The following GRIK4 variants were observed in gnomAD, a reference collection of about 807,000 sequenced individuals.
The protein encoded by GRIK4 is glutamate ionotropic receptor kainate type subunit 4.
GRIK4 carries 40 observed loss-of-function variants against 104.9 expected under a neutral mutation model. That is an observed-to-expected ratio of 0.38 (90% CI 0.30 to 0.50). The LOEUF is 0.50. GRIK4 is among the 20% of genes least tolerant of loss of function. GRIK4 has a pLI of 0.93. For missense variants in GRIK4, 1,047 were observed against 1,308.1 expected, an observed-to-expected ratio of 0.80 and a Z score of 3.08; for synonymous variants, 485 against 524.9, an observed-to-expected ratio of 0.92 and a Z score of 1.04.
At chr11:120,600,363 A>T (rs568215572) in intron 1 of GRIK4, among the ~76,000 whole-genome samples, 2 of 152,112 alleles carry the variant, frequency 1.3e-5, no homozygotes, top group East Asian at 3.9e-4. Context: ...AAAAAAGAAA[A>T]CTAGAGTTTT....
At chr11:120,516,705 C>A (rs1482421437) in intron 1 of GRIK4, among the ~76,000 whole-genome samples, 1 of 152,154 alleles carries the variant, frequency 6.6e-6, no homozygotes, top group African/African-American at 2.4e-5. Flanking sequence ...AACAGCAGAG[C>A]GCGCTGACAG....
intron 12 of GRIK4, among the ~76,000 whole-genome samples, chr11:120,904,800 C>T (rs940848730): frequency 2.6e-5 from 4 of 152,180 alleles, no homozygotes; most frequent in African/African-American, 7.2e-5. Flanking sequence ...CAGCTTGGAT[C>T]CCACCTTCAG....
intron 5 of GRIK4, among the ~76,000 whole-genome samples, chr11:120,818,825 A>G (rs1272162712): frequency 6.6e-6 from 1 of 152,156 alleles, no homozygotes; most frequent in African/African-American, 2.4e-5. Flanking sequence ...TCTACTATCG[A>G]TCTTCCTTGC....
chr11:120,776,997 G>A (rs76758238), intron 3 of GRIK4, among the ~76,000 whole-genome samples: 1,547 of 152,274 alleles, frequency 0.01, 22 homozygotes, highest in African/African-American at 0.034. Context: ...GGGGGTGTGA[G>A]TACCAGGAGG....
intron 13 of GRIK4, among the ~76,000 whole-genome samples, chr11:120,920,255 G>A (rs112559261): frequency 1.6e-3 from 240 of 152,224 alleles, no homozygotes; most frequent in African/African-American, 5.2e-3. Context: ...TTCCTGTAGC[G>A]TGCCTGCACT....
intron 8 of GRIK4, among the ~76,000 whole-genome samples, chr11:120,845,815 T>A (rs144284132): frequency 7.9e-5 from 12 of 152,352 alleles, no homozygotes; most frequent in Non-Finnish European, 1.2e-4. Context: ...AGAACCACTC[T>A]GCATAATATA....
chr11:120,689,683 T>C lies in GRIK4; in HGVS notation c.82+29283T>C, dbSNP rs1183371573. 2.6e-5 allele frequency among the ~76,000 whole-genome samples: 4 copies of C among 152,280 alleles called. No homozygotes were observed. In the East Asian group the frequency reaches 5.8e-4, roughly 22 times the overall value. ...GACCCAGATCACATATCACCTCCTT[T>C]CTGGAAACTTCCCTGATCCTCCCAG... On this transcript the variant is annotated intron_variant, in intron 3 of 20. Coordinates refer to ENST00000527524, the MANE Select transcript of GRIK4 (RefSeq NM_014619.5).
At chr11:120,703,707 A>G (rs1950586803) in intron 3 of GRIK4, among the ~76,000 whole-genome samples, 1 of 152,140 alleles carries the variant, frequency 6.6e-6, no homozygotes, top group South Asian at 2.1e-4. Context: ...CCTTTGAAAT[A>G]CTGTTACTTA....
intron 3 of GRIK4, among the ~76,000 whole-genome samples, chr11:120,688,496 G>GAGTGTAACTGTGGGCCCAGGA (rs1950307951): frequency 6.6e-6 from 1 of 152,188 alleles, no homozygotes; most frequent in Admixed American, 6.5e-5. Flanking sequence ...AAATGGATGG[G>GAGTGTAACTGTGGGCCCAGGA]AGTGTAACTG....
At chr11:120,599,321 A>G (rs1948849131) in intron 1 of GRIK4, among the ~76,000 whole-genome samples, 1 of 152,168 alleles carries the variant, frequency 6.6e-6, no homozygotes, top group South Asian at 2.1e-4. Context: ...ATGAACCTGG[A>G]GTGCATGTTT....
intron 1 of GRIK4, among the ~76,000 whole-genome samples, chr11:120,628,799 T>C (rs1949294707): frequency 1.3e-5 from 2 of 152,216 alleles, no homozygotes; most frequent in African/African-American, 4.8e-5. Context: ...CTCAGTTCTC[T>C]GTTTTTTCTT....
chr11:120,971,258 A>T (rs903475838), intron 19 of GRIK4, among the ~76,000 whole-genome samples: 6 of 152,178 alleles, frequency 3.9e-5, no homozygotes, highest in African/African-American at 1.4e-4. Flanking sequence ...CCCCCTATAG[A>T]CAATAAGCAA....
chr11:120,864,282 C>T (rs929752185), intron 9 of GRIK4, among the ~76,000 whole-genome samples: 45 of 150,786 alleles, frequency 3.0e-4, no homozygotes, highest in African/African-American at 1.0e-3. Flanking sequence ...GCTCTTTCGC[C>T]CAGGCTGGAG....
intron 14 of GRIK4, among the ~76,000 whole-genome samples, chr11:120,948,407 T>C (rs767827644): frequency 7.9e-5 from 12 of 152,080 alleles, no homozygotes; most frequent in Non-Finnish European, 1.5e-4. Flanking sequence ...TACAGAGCCC[T>C]AACACAGATC....
chr11:120,921,407 G>T (rs1943225340), intron 13 of GRIK4, among the ~76,000 whole-genome samples: 1 of 152,218 alleles, frequency 6.6e-6, no homozygotes, highest in Non-Finnish European at 1.5e-5. Context: ...AACCATCCCA[G>T]CGTTGATGCC....
At chr11:120,609,830 C>T (rs1434806132) in intron 1 of GRIK4, among the ~76,000 whole-genome samples, 1 of 152,038 alleles carries the variant, frequency 6.6e-6, no homozygotes, top group Non-Finnish European at 1.5e-5. Flanking sequence ...CTTAATGGAC[C>T]TGCCTTCTAC....
chr11:120,513,860 G>A lies in GRIK4; in HGVS notation c.-159+1973G>A, dbSNP rs985599891. 6.6e-6 allele frequency among the ~76,000 whole-genome samples: 1 copy of A among 152,184 alleles called. No homozygotes were observed. Among genetic ancestry groups the A allele is most frequent in the African/African-American group, 2.4e-5 (1 of 41,430 alleles). On this transcript the variant is annotated intron_variant, in intron 1 of 20. Transcript: ENST00000527524. This position sits in a 1 kb window ranked among gnomAD's most constrained non-coding sequence, Gnocchi z 4.5. ...ATCCCCCTACCTGGGCATCTTGATC[G>A]GTGGCTGCTGTCTTCCCCAGCAATG...
At chr11:120,732,153 A>G (rs1352501950) in intron 3 of GRIK4, among the ~76,000 whole-genome samples, 2 of 151,102 alleles carry the variant, frequency 1.3e-5, no homozygotes, top group African/African-American at 2.4e-5. Context: ...TTTTTTTCTG[A>G]CAGAGTCTCA....
At chr11:120,876,481 ACAT>A (rs1403992729) in intron 11 of GRIK4, among the ~76,000 whole-genome samples, 1 of 125,020 alleles carries the variant, frequency 8.0e-6, no homozygotes, top group Non-Finnish European at 1.7e-5. Flanking sequence ...ACCACCACCA[ACAT>A]CATCATCACT....
Sources: gnomAD v4.1 joint callset for allele counts (sites outside exome capture counted in the v4.1 genomes callset) on GRCh38, gnomAD v4.1.1 for gene constraint, Gnocchi (gnomAD v3.1) non-coding constraint, MANE v1.5 for transcripts, NCBI Gene and HGNC (gene_info 2026-07-23, HGNC 2026-07-21) for gene names.